The following DOT1L variants were observed in gnomAD, a reference collection of about 807,000 sequenced individuals.
DOT1L encodes the protein histone-lysine N-methyltransferase, H3 lysine-79 specific.
DOT1L carries 33 observed loss-of-function variants against 153.3 expected under a neutral mutation model. The ratio of observed to expected loss-of-function variants is 0.22; its 90% confidence interval spans 0.16 to 0.29. DOT1L has a LOEUF of 0.29. Ranked by LOEUF, DOT1L falls within the 10% of genes least tolerant of loss-of-function variation. The pLI, the probability that DOT1L is intolerant of heterozygous loss-of-function variation, is 1.00. For synonymous variants in DOT1L, 1,135 were observed against 965.1 expected (o/e 1.18, Z -3.26); for missense variants, 1,847 against 2,119.9 (o/e 0.87, Z 2.53).
At chr19:2,186,018 C>T (rs1254847590) in intron 3 of DOT1L, 89 bp downstream of exon 3, 6 of 1,248,516 alleles carry the variant, frequency 4.8e-6, no homozygotes, top group Non-Finnish European at 7.0e-6. Flanking sequence ...ATTAGCTCTT[C>T]TTAGATGGTG....
At chr19:2,176,098 T>C (rs539511664) in intron 1 of DOT1L, among the ~76,000 whole-genome samples, 17 of 152,176 alleles carry the variant, frequency 1.1e-4, no homozygotes, top group African/African-American at 3.6e-4. Flanking sequence ...TTACTAGACA[T>C]CCACTCTCAG....
chr19:2,227,760 T>C (rs953656973), intron 27 of DOT1L: 4 of 1,319,676 alleles, frequency 3.0e-6, no homozygotes, highest in Non-Finnish European at 4.0e-6. Context: ...CGCGGTGCCC[T>C]CCGCCTCTGC....
rs2024588095 is a variant in DOT1L at position 2,231,312 on chromosome 19, G to A, written c.*1520G>A. On this transcript the variant is annotated 3_prime_UTR_variant, in exon 28 of 28. Transcript: ENST00000398665. ...CAAGGTGCCACAGATCCACCCTCCA[G>A]GGAGCTGCCAGCCCTGTGTTCTGGT... 1 of 218,360 alleles carries A rather than the reference G, an allele frequency of 4.6e-6. No homozygotes were observed. The highest frequency in any genetic ancestry group is 5.8e-5 in the Admixed American group (1 of 17,162). The allele number at this position is 218,360 out of a possible 1,614,324, so 13.5% of individuals were successfully genotyped here.
chr19:2,221,665 T>C, intron 23 of DOT1L: 1 of 416,344 alleles, frequency 2.4e-6, no homozygotes, highest in Non-Finnish European at 4.3e-6. Flanking sequence ...GGCAACTTAC[T>C]CAGAGGAAGC....
intron 1 of DOT1L, among the ~76,000 whole-genome samples, chr19:2,178,241 T>A (rs953640102): frequency 1.7e-4 from 26 of 150,460 alleles, no homozygotes; most frequent in African/African-American, 5.9e-4. Flanking sequence ...CATTTTTTTT[T>A]TTTTTTTGGT....
At position 2,164,178 on chromosome 19, in the gene DOT1L, C is replaced by T. The variant is rs2144619947; in HGVS notation, c.-7C>T. 1 of 1,227,940 alleles carries T rather than the reference C, an allele frequency of 8.1e-7. No homozygotes were observed. Among genetic ancestry groups the T allele is most frequent in the Non-Finnish European group, 1.0e-6 (1 of 983,698 alleles). 76.1% of individuals were successfully genotyped at this position (1,227,940 alleles called of 1,614,324 possible). ...CCTAGCATGGTGCGGCGGCCGCGCG[C>T]GCGGACATGGGGGAGAAGCTGGAGC... On this transcript the variant is annotated 5_prime_UTR_variant, in exon 1 of 28. Coordinates refer to ENST00000398665, the MANE Select transcript of DOT1L (RefSeq NM_032482.3).
chr19:2,227,748 C>T (rs1293586505), intron 27 of DOT1L: 4 of 1,317,766 alleles, frequency 3.0e-6, no homozygotes, highest in Non-Finnish European at 4.0e-6. Flanking sequence ...TGTCTTTAAC[C>T]ACGCGGTGCC....
Position 2,221,970 on chromosome 19 carries a change from C to A in DOT1L, c.2807-6C>A. On this transcript the variant is annotated splice_region_variant and splice_polypyrimidine_tract_variant and intron_variant, in intron 23 of 27. Transcript: ENST00000398665. ...TCCCCTGAGACCCCCATGTCCTTCC[C>A]GGCAGGCTTCTCCTACGCTGGCTCG... The A allele has an allele frequency of 1.9e-6, 3 of 1,595,956 alleles. No homozygotes were observed. The highest frequency in any genetic ancestry group is 1.7e-6 in the Non-Finnish European group (2 of 1,170,790).
In DOT1L at chr19:2,197,087, C is replaced by T. The variant is rs530063313; in HGVS notation, c.651+2510C>T. ...GATGGGCCGCTGAGGGGTTTTCTGC[C>T]GTGGTGGGAGCCGTGGCCTGCGGTG... On this transcript the variant is annotated intron_variant, in intron 7 of 27. Transcript: ENST00000398665. The surrounding 1 kb of genome is among the most constrained non-coding windows in gnomAD (Gnocchi z 4.1). Among the ~76,000 whole-genome samples, 6 of 152,212 alleles carry T rather than the reference C, an allele frequency of 3.9e-5. No individual in the cohort carries two copies. In the East Asian group the frequency reaches 5.8e-4, roughly 15 times the overall value.
Position 2,190,928 on chromosome 19 carries a change from G to T in DOT1L, c.265-84G>T, listed in dbSNP as rs542539784. The T allele has an allele frequency of 1.0e-5, 14 of 1,345,262 alleles. No individual in the cohort carries two copies. The highest frequency in any genetic ancestry group is 3.0e-5 in the African/African-American group (2 of 67,780). 83.3% of individuals were successfully genotyped at this position (1,345,262 alleles called of 1,614,324 possible). Reference sequence around the variant, plus strand: ...GCCATGCAGCCGACTCCCTGCTTCCGCTGGGAAAGGTCCCGGGTCTTGGTG... The same window carrying T: ...GCCATGCAGCCGACTCCCTGCTTCCTCTGGGAAAGGTCCCGGGTCTTGGTG... On this transcript the variant is annotated intron_variant, in intron 4 of 27. Coordinates refer to ENST00000398665, the MANE Select transcript of DOT1L (RefSeq NM_032482.3). This position sits in a 1 kb window ranked among gnomAD's most constrained non-coding sequence, Gnocchi z 4.8.
chr19:2,217,756 G>C lies in DOT1L; in HGVS notation c.2545-16G>C. ...GTTTGTTGACCCACGACTGGGGGTC[G>C]GGCCTTCGTCTGCAGGGCCTGAGAG... On this transcript the variant is annotated splice_polypyrimidine_tract_variant and intron_variant, in intron 21 of 27. Coordinates refer to ENST00000398665, the MANE Select transcript of DOT1L (RefSeq NM_032482.3). This position sits in a 1 kb window ranked among gnomAD's most constrained non-coding sequence, Gnocchi z 7.3. 2 of 1,592,842 alleles carry C rather than the reference G, an allele frequency of 1.3e-6. No homozygotes were observed. Among genetic ancestry groups the C allele is most frequent in the South Asian group, 2.3e-5 (2 of 87,720 alleles).
At position 2,191,610 on chromosome 19, in the gene DOT1L, G is replaced by A. The variant is rs114439382; in HGVS notation, c.493+370G>A. 0.022 allele frequency among the ~76,000 whole-genome samples: 3,339 copies of A among 152,222 alleles called. 126 individuals are homozygous for A. The highest frequency in any genetic ancestry group is 0.077 in the African/African-American group (3,185 of 41,520). Reference sequence around the variant, plus strand: ...GGCCCCAGCCCGGGCCCCACCCACGGCTGCAGCCTGCCGCAGTCCTTCCCT... The same window carrying A: ...GGCCCCAGCCCGGGCCCCACCCACGACTGCAGCCTGCCGCAGTCCTTCCCT... On this transcript the variant is annotated intron_variant, in intron 5 of 27. Coordinates refer to ENST00000398665, the MANE Select transcript of DOT1L (RefSeq NM_032482.3). The surrounding 1 kb of genome is among the most constrained non-coding windows in gnomAD (Gnocchi z 6.8).
In DOT1L at chr19:2,232,143, T is replaced by C; in HGVS notation, c.*2351T>C. On this transcript the variant is annotated 3_prime_UTR_variant, in exon 28 of 28. Coordinates refer to ENST00000398665, the MANE Select transcript of DOT1L (RefSeq NM_032482.3). ...TTTCCGTGGGCAGCTGGCGGGGACC[T>C]GTGCTGCTGCTGCTGACTGTGGGTG... 4.5e-6 allele frequency: 1 copy of C among 221,350 alleles called. No homozygotes were observed. Among genetic ancestry groups the C allele is most frequent in the Non-Finnish European group, 9.0e-6 (1 of 110,682 alleles). 13.7% of individuals were successfully genotyped at this position (221,350 alleles called of 1,614,324 possible). A position where few individuals can be genotyped will look rare whatever the true frequency, so the allele number is the denominator to read the frequency against.
In DOT1L at chr19:2,207,149, T is replaced by C. The variant is rs2023529968; in HGVS notation, c.856+352T>C. Reference sequence around the variant, plus strand: ...GGTGGGAAGGAGCCGGCCCCTCCCATGCCCCCTGCCTGCCTTACTGTGCTG... The same window carrying C: ...GGTGGGAAGGAGCCGGCCCCTCCCACGCCCCCTGCCTGCCTTACTGTGCTG... On this transcript the variant is annotated intron_variant, in intron 10 of 27. Transcript: ENST00000398665. The surrounding 1 kb of genome is among the most constrained non-coding windows in gnomAD (Gnocchi z 4.5). Among the ~76,000 whole-genome samples, 1 of 152,186 alleles carries C rather than the reference T, an allele frequency of 6.6e-6. No individual in the cohort carries two copies. Among genetic ancestry groups the C allele is most frequent in the Admixed American group, 6.5e-5 (1 of 15,282 alleles).
At chr19:2,210,311 C>T (rs1170385406) in intron 12 of DOT1L, 89 bp from the exon 13 acceptor site, 3 of 1,197,952 alleles carry the variant, frequency 2.5e-6, no homozygotes, top group Non-Finnish European at 3.4e-6. Context: ...CCCGTGGCCC[C>T]CTTGAGTCTG....
At chr19:2,226,042 C>A in intron 26 of DOT1L, 141 bp from the exon 27 acceptor site, 1 of 893,534 alleles carries the variant, frequency 1.1e-6, no homozygotes, top group Non-Finnish European at 1.6e-6. Context: ...CTCTCCCATC[C>A]TGTCCCGCTT....
chr19:2,177,052 G>C (rs1324028237), intron 1 of DOT1L, among the ~76,000 whole-genome samples: 1 of 152,218 alleles, frequency 6.6e-6, no homozygotes, highest in Non-Finnish European at 1.5e-5. Flanking sequence ...CAGATGCGTA[G>C]AACCCAGTGC....
rs563610344 is a variant in DOT1L at position 2,226,298 on chromosome 19, C to T, written c.3777C>T (p.Ser1259=). 2.3e-5 allele frequency: 36 copies of T among 1,597,606 alleles called. 1 individual carries two copies. Among genetic ancestry groups the T allele is most frequent in the East Asian group, 6.8e-5 (3 of 44,272 alleles). The change falls in exon 27 of 28, where the codon AGC becomes AGT. Residue 1259 remains serine (S), a synonymous_variant. Transcript: ENST00000398665. ...SDIGLAKSAD[S]PLQASSALSQ... ...TCGGCCTGGCCAAGTCGGCGGACAG[C>T]CCGCTGCAGGCCAGCTCCGCCCTCA... is the stretch of plus-strand genomic sequence containing the variant.
intron 25 of DOT1L, 127 bp from the exon 26 acceptor site, chr19:2,225,261 C>G (rs1271608944): frequency 8.8e-6 from 8 of 911,188 alleles, no homozygotes; most frequent in Non-Finnish European, 1.4e-5. Flanking sequence ...TGCACGGGTC[C>G]CCTGTCTGGG....
Sources: gnomAD v4.1 joint callset for allele counts (sites outside exome capture counted in the v4.1 genomes callset) on GRCh38, gnomAD v4.1.1 for gene constraint, Gnocchi (gnomAD v3.1) non-coding constraint, MANE v1.5 for transcripts, NCBI Gene and HGNC (gene_info 2026-07-23, HGNC 2026-07-21) for gene names.